UNC5CL: variants seen among roughly 807,000 people sequenced by gnomAD.
UNC5CL encodes the protein unc-5 family C-terminal like.
Under a neutral mutation model 54.1 loss-of-function variants are expected in UNC5CL, and 42 were observed. The ratio of observed to expected loss-of-function variants is 0.78; its 90% CI spans 0.61 to 1.00. The LOEUF (loss-of-function observed/expected upper bound fraction) is 1.00, where lower values mean the gene tolerates loss of function less well. Ranked by LOEUF, UNC5CL falls within the 50% of genes least tolerant of loss-of-function variation. The probability of loss-of-function intolerance (pLI) is 0.00; values close to 1 mark genes in which losing one functional copy is unlikely to be tolerated. For synonymous variants in UNC5CL, 285 were observed against 285.1 expected (o/e 1.00, Z 0.00); for missense variants, 619 against 675.6 (o/e 0.92, Z 0.93).
intron 2 of UNC5CL, 24 bp downstream of exon 2, chr6:41,034,666 G>A: frequency 6.3e-7 from 1 of 1,594,848 alleles, no homozygotes; most frequent in African/African-American, 1.3e-5. Flanking sequence ...ACTGTATGCG[G>A]AGATGAGAGC....
At position 41,034,009 on chromosome 6, in the gene UNC5CL, C is replaced by T. The variant is rs1762487296; in HGVS notation, c.558G>A (p.Glu186=). ...TGTAGGTGCGAGCATGGCTGGGCTG[C>T]TCGGCACAGTGTTTGAACGTGAGAG... ...PCTLTFKHCA[E]QPSHARTYSS... is the part of the protein sequence containing the mutation. The change falls in exon 3 of 9, where the codon GAG becomes GAA. Residue 186 remains glutamate (E), a synonymous_variant. Coordinates refer to ENST00000244565, the MANE Select transcript of UNC5CL (RefSeq NM_173561.3). 4 of 1,614,178 alleles carry T rather than the reference C, an allele frequency of 2.5e-6. No individual in the cohort carries two copies. In the Middle Eastern group the frequency reaches 4.9e-4, roughly 200 times the overall value.
At position 41,035,020 on chromosome 6, in the gene UNC5CL, C is replaced by T; in HGVS notation, c.55G>A (p.Val19Ile). The T allele has an allele frequency of 6.3e-7, 1 of 1,599,914 alleles. No individual in the cohort carries two copies. Among genetic ancestry groups the T allele is most frequent in the Non-Finnish European group, 8.6e-7 (1 of 1,169,324 alleles). Reference protein sequence around the residue: ...QPSQFLLLVGVPVASVLLLAQ... With the variant: ...QPSQFLLLVGIPVASVLLLAQ... ...AGAAGGAGGACACTTGCCACTGGGA[C>T]CCCCACCAGCAGTAGGAACTGGGAG... is the stretch of plus-strand genomic sequence containing the variant. The change falls in exon 2 of 9, where the codon GTC becomes ATC. Residue 19 changes from valine to isoleucine, a missense_variant. Coordinates refer to ENST00000244565, the MANE Select transcript of UNC5CL (RefSeq NM_173561.3).
At chr6:41,036,857 C>G (rs2114011893) in intron 1 of UNC5CL, among the ~76,000 whole-genome samples, 1 of 152,272 alleles carries the variant, frequency 6.6e-6, no homozygotes, top group South Asian at 2.1e-4. Flanking sequence ...ACCTGGCTAC[C>G]CAGCCAGGCC....
rs1347229458 is a variant in UNC5CL, at chr6:41,030,491, C to T, written c.1231G>A (p.Glu411Lys). The T allele has an allele frequency of 1.9e-6, 3 of 1,614,162 alleles. No homozygotes were observed. The highest frequency in any genetic ancestry group is 1.7e-6 in the Non-Finnish European group (2 of 1,180,016). Residue 411 changes from glutamate to lysine, a missense_variant, in exon 8 of 9, where the codon GAG becomes AAG. By Grantham distance (56) the Glu-to-Lys change is moderately conservative. Transcript: ENST00000244565. ...AACATCCGCAGCTGCTCAAAGAGCT[C>T]TGGGGGCAGCCTTAGGCAGGGAAAA... ...QPPPCNRLPP[E>K]LFEQLRMLLE... is the part of the protein sequence containing the mutation.
At chr6:41,035,333 T>C (rs1762512263) in intron 1 of UNC5CL, among the ~76,000 whole-genome samples, 198 bp from the exon 2 acceptor site, 1 of 152,228 alleles carries the variant, frequency 6.6e-6, no homozygotes, top group African/African-American at 2.4e-5. Flanking sequence ...AGGTAAACTG[T>C]TCTGAAGCAG....
chr6:41,034,904 G>A lies in UNC5CL; in HGVS notation c.171C>T (p.Thr57=), dbSNP rs752450017. ...NGQEEPVSQP[T]PQLENEVSRQ... is the part of the protein sequence containing the mutation. ...TTGAGACCTCATTTTCTAGTTGGGGGGTAGGCTGGGACACTGGTTCCTCTT... is the reference window on the plus strand; with the variant it reads ...TTGAGACCTCATTTTCTAGTTGGGGAGTAGGCTGGGACACTGGTTCCTCTT... The change falls in exon 2 of 9, where the codon ACC becomes ACT. Residue 57 remains threonine (T), a synonymous_variant. Coordinates refer to ENST00000244565, the MANE Select transcript of UNC5CL (RefSeq NM_173561.3). The A allele has an allele frequency of 1.2e-6, 2 of 1,614,202 alleles. No homozygotes were observed. Among genetic ancestry groups the A allele is most frequent in the Non-Finnish European group, 1.7e-6 (2 of 1,180,042 alleles).
Position 41,032,976 on chromosome 6 carries a change from G to T in UNC5CL, c.857C>A (p.Pro286His), listed in dbSNP as rs1480512062. 1.2e-6 allele frequency: 2 copies of T among 1,603,624 alleles called. No individual in the cohort carries two copies. Among genetic ancestry groups the T allele is most frequent in the African/African-American group, 1.3e-5 (1 of 74,970 alleles). ...GGGCCCACGCAGGCGCCCACCATGG[G>T]GCTGCTCGTTGGTCAGTGCCCACTG... ...ALQWALTNEQPHGGRLRGPCQ... is the reference protein window; with the variant it reads ...ALQWALTNEQHHGGRLRGPCQ... Residue 286 changes from proline (P) to histidine (H), a missense_variant, in exon 4 of 9, where the codon CCC becomes CAC. Coordinates refer to ENST00000244565, the MANE Select transcript of UNC5CL (RefSeq NM_173561.3).
At position 41,034,739 on chromosome 6, in the gene UNC5CL, G is replaced by A. The variant is rs201563158; in HGVS notation, c.336C>T (p.Gly112=). 6.3e-5 allele frequency: 101 copies of A among 1,609,648 alleles called. No homozygotes were observed. Among genetic ancestry groups the A allele is most frequent in the South Asian group, 5.9e-4 (54 of 91,078 alleles). ...VFSAREVDHR[G]GCLMLQDTGI... is the part of the protein sequence containing the mutation. ...CTGTATCCTGGAGCATCAGGCAACC[G>A]CCGCGGTGATCCACCTCTCGAGCCG... The change falls in exon 2 of 9, where the codon GGC becomes GGT. Residue 112 remains glycine, a synonymous_variant. Coordinates refer to ENST00000244565, the MANE Select transcript of UNC5CL (RefSeq NM_173561.3).
Position 41,028,411 on chromosome 6 carries a change from G to A in UNC5CL, c.1519C>T (p.Arg507Trp), listed in dbSNP as rs1447842787. The change falls in exon 9 of 9, where the codon CGG becomes TGG. Residue 507 changes from arginine to tryptophan, a missense_variant. By Grantham distance (101) the Arg-to-Trp change is moderately radical. Coordinates refer to ENST00000244565, the MANE Select transcript of UNC5CL (RefSeq NM_173561.3). This position sits in a 1 kb window ranked among gnomAD's most constrained non-coding sequence, Gnocchi z 4.3. Reference protein sequence around the residue: ...GSPGPERGGARDNQGLELDEK... With the variant: ...GSPGPERGGAWDNQGLELDEK... ...TCCAGCTCCAGGCCCTGGTTATCCC[G>A]GGCGCCCCCGCGCTCGGGGCCTGGG... 6 of 1,607,528 alleles carry A rather than the reference G, an allele frequency of 3.7e-6. No individual in the cohort carries two copies. Among genetic ancestry groups the A allele is most frequent in the Admixed American group, 1.7e-5 (1 of 59,012 alleles).
Position 41,032,095 on chromosome 6 carries a change from TG to T in UNC5CL, c.991del (p.His331IlefsTer30). Reference sequence around the variant, plus strand: ...GCACTTTCCATGCCAGATGTGGAGATGGGGAACCAGCTGGCAACTGCTGTCA... The same window carrying T: ...GCACTTTCCATGCCAGATGTGGAGATGGGAACCAGCTGGCAACTGCTGTCA... ...VDDSSCQLVP[H>X]LHIWHGKCPF... On this transcript the variant is annotated frameshift_variant, in exon 5 of 9. Coordinates refer to ENST00000244565, the MANE Select transcript of UNC5CL (RefSeq NM_173561.3). LOFTEE classifies it high-confidence loss of function. 1 of 1,614,162 alleles carries T rather than the reference TG, an allele frequency of 6.2e-7. No homozygotes were observed. Among genetic ancestry groups the T allele is most frequent in the Non-Finnish European group, 8.5e-7 (1 of 1,180,036 alleles).
intron 1 of UNC5CL, among the ~76,000 whole-genome samples, chr6:41,037,703 C>T (rs529596262): frequency 2.0e-4 from 31 of 152,302 alleles, no homozygotes; most frequent in African/African-American, 6.7e-4. Context: ...AGACAATGCA[C>T]CAGCCTTTTT....
In UNC5CL at chr6:41,028,353, C is replaced by T. The variant is rs1483895296; in HGVS notation, c.*20G>A. Reference sequence around the variant, plus strand: ...ACCCCTCTCGCCCCTACACCTCCTCCGGCCCTGCCCGCTGGGCGCTCAGAG... The same window carrying T: ...ACCCCTCTCGCCCCTACACCTCCTCTGGCCCTGCCCGCTGGGCGCTCAGAG... On this transcript the variant is annotated 3_prime_UTR_variant, in exon 9 of 9. Transcript: ENST00000244565. This position sits in a 1 kb window ranked among gnomAD's most constrained non-coding sequence, Gnocchi z 4.3. 2 of 1,548,208 alleles carry T rather than the reference C, an allele frequency of 1.3e-6. No individual in the cohort carries two copies. Among genetic ancestry groups the T allele is most frequent in the African/African-American group, 1.4e-5 (1 of 73,502 alleles).
chr6:41,034,824 T>C lies in UNC5CL; in HGVS notation c.251A>G (p.His84Arg). 1 of 1,614,248 alleles carries C rather than the reference T, an allele frequency of 6.2e-7. No homozygotes were observed. The highest frequency in any genetic ancestry group is 1.1e-5 in the South Asian group (1 of 91,086). The change falls in exon 2 of 9, where the codon CAC (histidine) becomes CGC (arginine). Residue 84 changes from histidine (H) to arginine (R), a missense_variant. By Grantham distance (29) the His-to-Arg change is conservative (BLOSUM62 0). Coordinates refer to ENST00000244565, the MANE Select transcript of UNC5CL (RefSeq NM_173561.3). ...CATGGTCTGGCCTTGAGTGGGTGTGTGTAGCTCCTGGTAGAAGGCAACCAT... is the reference window on the plus strand; with the variant it reads ...CATGGTCTGGCCTTGAGTGGGTGTGCGTAGCTCCTGGTAGAAGGCAACCAT... ...PEMVAFYQEL[H>R]TPTQGQTMVR...
At position 41,034,871 on chromosome 6, in the gene UNC5CL, G is replaced by T; in HGVS notation, c.204C>A (p.His68Gln). The T allele has an allele frequency of 6.2e-7, 1 of 1,614,206 alleles. No homozygotes were observed. Among genetic ancestry groups the T allele is most frequent in the Non-Finnish European group, 8.5e-7 (1 of 1,180,034 alleles). ...CCATCTCTGGCAGTGTGGCTGGCAGGTGCTGCCTTGAGACCTCATTTTCTA... is the reference window on the plus strand; with the variant it reads ...CCATCTCTGGCAGTGTGGCTGGCAGTTGCTGCCTTGAGACCTCATTTTCTA... ...PQLENEVSRQ[H>Q]LPATLPEMVA... The change falls in exon 2 of 9, where the codon CAC becomes CAA. Residue 68 changes from histidine (H) to glutamine (Q), a missense_variant. By Grantham distance (24) the His-to-Gln change is conservative. Transcript: ENST00000244565.
In UNC5CL at chr6:41,034,074, C is replaced by T. The variant is rs778884917; in HGVS notation, c.493G>A (p.Ala165Thr). 5.0e-6 allele frequency: 8 copies of T among 1,614,082 alleles called. No individual in the cohort carries two copies. Among genetic ancestry groups the T allele is most frequent in the Non-Finnish European group, 6.8e-6 (8 of 1,180,028 alleles). Residue 165 changes from alanine to threonine, a missense_variant, in exon 3 of 9, where the codon GCA (alanine) becomes ACA (threonine). By Grantham distance (58) the Ala-to-Thr change is moderately conservative. Coordinates refer to ENST00000244565, the MANE Select transcript of UNC5CL (RefSeq NM_173561.3). ...AAGGAGGCCCCATGGGGGCCACATGCCACCACAGGGCTTACCAGCCCCTGG... is the reference window on the plus strand; with the variant it reads ...AAGGAGGCCCCATGGGGGCCACATGTCACCACAGGGCTTACCAGCCCCTGG... ...QAQGLVSPVV[A>T]CGPHGASFLK...
intron 6 of UNC5CL, among the ~76,000 whole-genome samples, chr6:41,031,293 C>T (rs749708462): frequency 4.6e-5 from 7 of 152,176 alleles, no homozygotes; most frequent in Non-Finnish European, 1.0e-4. Flanking sequence ...GGTCACTTCC[C>T]ACACTGAAAA....
chr6:41,030,829 C>T, intron 6 of UNC5CL, 74 bp from the exon 7 acceptor site: 1 of 1,316,088 alleles, frequency 7.6e-7, no homozygotes, highest in Admixed American at 1.8e-5. Flanking sequence ...TGGAGTCCTA[C>T]CTCCATTCCT....
Position 41,031,982 on chromosome 6 carries a change from G to A in UNC5CL, c.1051+54C>T. 3.2e-6 allele frequency: 5 copies of A among 1,567,824 alleles called. No individual in the cohort carries two copies. In the Admixed American group the frequency reaches 5.0e-5, roughly 16 times the overall value. On this transcript the variant is annotated intron_variant, in intron 5 of 8. Transcript: ENST00000244565. ...CAGGGTTACTGGGAGGGAAGGAGAG[G>A]AGACAGGATGGGAAAAGAGAGGGGA... is the stretch of plus-strand genomic sequence containing the variant.
Position 41,028,450 on chromosome 6 carries a change from T to C in UNC5CL, c.1480A>G (p.Thr494Ala). 6.2e-7 allele frequency: 1 copy of C among 1,613,672 alleles called. No homozygotes were observed. The highest frequency in any genetic ancestry group is 8.5e-7 in the Non-Finnish European group (1 of 1,179,938). Residue 494 changes from threonine (T) to alanine (A), a missense_variant, in exon 9 of 9, where the codon ACA becomes GCA. Coordinates refer to ENST00000244565, the MANE Select transcript of UNC5CL (RefSeq NM_173561.3). The surrounding 1 kb of genome is among the most constrained non-coding windows in gnomAD (Gnocchi z 4.3). ...TCGGGGCCTGGGCTGCCGCCGTGTG[T>C]CCCACTCAGGTAGTTCTGGATGGCG... ...ASAIQNYLSG[T>A]HGGSPGPERG...
Sources: gnomAD v4.1 joint callset for allele counts (sites outside exome capture counted in the v4.1 genomes callset) on GRCh38, gnomAD v4.1.1 for gene constraint, Gnocchi (gnomAD v3.1) non-coding constraint, MANE v1.5 for transcripts, NCBI Gene and HGNC (gene_info 2026-07-23, HGNC 2026-07-21) for gene names.